The following RYR1 variants were observed in gnomAD, a reference collection of about 807,000 sequenced individuals.
RYR1 encodes central core disease of muscle.
In RYR1, 342 loss-of-function variants were observed where a neutral mutation model predicts 583.5. That is an observed-to-expected ratio of 0.59 (90% CI 0.54 to 0.64). RYR1 has a LOEUF of 0.64. RYR1 is among the 30% of genes least tolerant of loss of function. The pLI is 0.00. For synonymous variants in RYR1, 2,791 were observed against 2,822.5 expected (o/e 0.99, Z 0.35); for missense variants, 6,032 against 6,917.2 (o/e 0.87, Z 4.54).
chr19:38,580,080 C>G lies in RYR1; in HGVS notation c.14463C>G (p.Val4821=), dbSNP rs1861327857. 6.2e-7 allele frequency: 1 copy of G among 1,614,094 alleles called. No homozygotes were observed. The highest frequency in any genetic ancestry group is 1.3e-5 in the African/African-American group (1 of 74,926). Residue 4821 remains valine, a synonymous_variant, in exon 100 of 106, where the codon GTC becomes GTG. Transcript: ENST00000359596. ...ATCTCCTGGACATCGCCATGGGGGT[C>G]AAGACGCTGCGCACCATCCTGTCCT... ...AAHLLDIAMG[V]KTLRTILSSV... is the part of the protein sequence containing the mutation.
At chr19:38,502,796 G>GGCAGGGGGAGGA (rs1970229772) in intron 48 of RYR1, 69 bp downstream of exon 48, 11 of 1,044,756 alleles carry the variant, frequency 1.1e-5, no homozygotes, top group African/African-American at 2.4e-5. Flanking sequence ...CAGGGGCAGG[G>GGCAGGGGGAGGA]GCAGGGGCAG....
chr19:38,467,750 G>A lies in RYR1; in HGVS notation c.3319G>A (p.Glu1107Lys), dbSNP rs777117206. ...GEMRVGWARPELRPDVELGAD... is the reference protein window; with the variant it reads ...GEMRVGWARPKLRPDVELGAD... The stretch of plus-strand genomic sequence containing the variant: ...GATGCGCGTGGGCTGGGCGAGGCCC[G>A]AGCTGAGGCCTGATGTAGAGCTGGG... The change falls in exon 25 of 106, where the codon GAG becomes AAG. Residue 1107 changes from glutamate (E) to lysine (K), a missense_variant. Transcript: ENST00000359596. 2.4e-5 allele frequency: 39 copies of A among 1,614,048 alleles called. 1 individual carries two copies. In the South Asian group the frequency reaches 3.1e-4, roughly 13 times the overall value.
Position 38,502,665 on chromosome 19 carries a change from G to A in RYR1, c.7773G>A (p.Arg2591=). ...TGCATACCGTGTACCGCCTGTCTCG[G>A]GGTCGTTCGCTCACCAAGGCGCAGC... ...SMLHTVYRLS[R]GRSLTKAQRD... Residue 2591 remains arginine (R), a synonymous_variant, in exon 48 of 106, where the codon CGG becomes CGA. Transcript: ENST00000359596. 1 of 1,611,304 alleles carries A rather than the reference G, an allele frequency of 6.2e-7. No homozygotes were observed. Among genetic ancestry groups the A allele is most frequent in the Non-Finnish European group, 8.5e-7 (1 of 1,179,874 alleles).
chr19:38,490,180 G>A lies in RYR1; in HGVS notation c.5919G>A (p.Gln1973=), dbSNP rs1325551524. The change falls in exon 36 of 106, where the codon CAG becomes CAA. Residue 1973 remains glutamine (Q), a synonymous_variant. Coordinates refer to ENST00000359596, the MANE Select transcript of RYR1 (RefSeq NM_000540.3). ...ATGTGGACAAGCTCCAGGCCAACCA[G>A]CGGAGCCGCTATGGCCTCCTCATAA... is the stretch of plus-strand genomic sequence containing the variant. The part of the protein sequence containing the change: ...ERYVDKLQAN[Q]RSRYGLLIKA... 1.2e-6 allele frequency: 2 copies of A among 1,614,120 alleles called. No homozygotes were observed. Among genetic ancestry groups the A allele is most frequent in the African/African-American group, 1.3e-5 (1 of 74,950 alleles).
intron 27 of RYR1, among the ~76,000 whole-genome samples, chr19:38,471,794 C>T (rs530651164): frequency 1.4e-5 from 2 of 146,728 alleles, no homozygotes; most frequent in African/African-American, 2.5e-5. Context: ...CCCAGTTACT[C>T]GGGAGGCTGA....
At position 38,443,629 on chromosome 19, in the gene RYR1, C is replaced by A; in HGVS notation, c.342C>A (p.Arg114=). The A allele has an allele frequency of 1.2e-6, 2 of 1,614,100 alleles. No homozygotes were observed. Among genetic ancestry groups the A allele is most frequent in the Non-Finnish European group, 1.7e-6 (2 of 1,179,974 alleles). ...HAILLRHAHS[R]MYLSCLTTSR... ...TCCTGCTCCGGCATGCACACAGCCG[C>A]ATGGTGAGTGCAACCTCGGTGGGCG... is the stretch of plus-strand genomic sequence containing the variant. The change falls in exon 4 of 106, where the codon CGC becomes CGA. Residue 114 remains arginine, a synonymous_variant. Coordinates refer to ENST00000359596, the MANE Select transcript of RYR1 (RefSeq NM_000540.3).
chr19:38,532,778 C>A, intron 78 of RYR1, 42 bp downstream of exon 78: 1 of 1,582,412 alleles, frequency 6.3e-7, no homozygotes, highest in African/African-American at 1.3e-5. Context: ...GGATGGGGGA[C>A]CCTGACTGCA....
chr19:38,518,674 A>G (rs1263604366), intron 66 of RYR1, among the ~76,000 whole-genome samples: 1 of 152,138 alleles, frequency 6.6e-6, no homozygotes, highest in African/African-American at 2.4e-5. Context: ...CACGCCTGTA[A>G]TCCCAGCACT....
At chr19:38,525,654 GCTGAGGACTCACTGTGCCCCTGGGATGCC>G in intron 71 of RYR1, 152 bp downstream of exon 71, 1 of 881,954 alleles carries the variant, frequency 1.1e-6, no homozygotes, top group Non-Finnish European at 1.8e-6. Flanking sequence ...TTTCCGGGAT[GCTGAGGACTCACTGTGCCCCTGGGATGCC>G]CTGAGGACCC....
chr19:38,486,191 TCC>T lies in RYR1; in HGVS notation c.5537_5538del (p.Ser1846TyrfsTer11). 1 of 1,612,886 alleles carries T rather than the reference TCC, an allele frequency of 6.2e-7. No homozygotes were observed. The highest frequency in any genetic ancestry group is 8.5e-7 in the Non-Finnish European group (1 of 1,179,938). The part of the protein sequence containing the change: ...FQFVPVLKLV[S>X]TLLVMGIFGD... ...GTTTGTGCCTGTGCTCAAGCTCGTG[TCC>T]ACCCTGCTGGTAATGGCTTCCTCCT... On this transcript the variant is annotated frameshift_variant, in exon 34 of 106. Transcript: ENST00000359596. LOFTEE classifies it high-confidence loss of function.
In RYR1 at chr19:38,559,951, T is replaced by C. The variant is rs554216214; in HGVS notation, c.12283-1162T>C. On this transcript the variant is annotated intron_variant, in intron 89 of 105. Coordinates refer to ENST00000359596, the MANE Select transcript of RYR1 (RefSeq NM_000540.3). ...TTTTTTTTTTTTTTGAGTCACATTG[T>C]AAAATGTATTCTTATGGTTGAGTGA... 1.3e-4 allele frequency among the ~76,000 whole-genome samples: 19 copies of C among 151,592 alleles called. No homozygotes were observed. In the East Asian group the frequency reaches 3.7e-3, roughly 29 times the overall value.
chr19:38,452,611 C>T (rs1349845852), intron 12 of RYR1, among the ~76,000 whole-genome samples: 2 of 152,136 alleles, frequency 1.3e-5, no homozygotes, highest in South Asian at 2.1e-4. Context: ...CGGGACCCCC[C>T]TGTACCTACA....
Position 38,561,069 on chromosome 19 carries a change from G to A in RYR1, c.12283-44G>A. ...AAAAAAAAAAAAAAGAGAGAGAATT[G>A]AGGCTCTCCAGGTCACCCCACTGAC... On this transcript the variant is annotated intron_variant, in intron 89 of 105. Transcript: ENST00000359596. The surrounding 1 kb of genome is among the most constrained non-coding windows in gnomAD (Gnocchi z 4.8). 1 of 1,344,020 alleles carries A rather than the reference G, an allele frequency of 7.4e-7. No homozygotes were observed. Among genetic ancestry groups the A allele is most frequent in the Non-Finnish European group, 1.1e-6 (1 of 941,230 alleles). The allele number at this position is 1,344,020 out of a possible 1,614,324, so 83.3% of individuals were successfully genotyped here. A position where few individuals can be genotyped will look rare whatever the true frequency, so the allele number is the denominator to read the frequency against.
At chr19:38,462,191 C>T (rs180956130) in intron 20 of RYR1, among the ~76,000 whole-genome samples, 2 of 152,288 alleles carry the variant, frequency 1.3e-5, no homozygotes, top group East Asian at 3.9e-4. Flanking sequence ...TGTGACCTCC[C>T]CTCCCTGAGC....
intron 63 of RYR1, among the ~76,000 whole-genome samples, chr19:38,513,792 A>G (rs1376924012): frequency 1.3e-5 from 2 of 151,556 alleles, no homozygotes; most frequent in Non-Finnish European, 2.9e-5. Context: ...CCTTCACTGT[A>G]TGGTTGAAAG....
In RYR1 at chr19:38,520,976, GATAAGA is replaced by G. The variant is rs954177422; in HGVS notation, c.10259+1528_10259+1533del. On this transcript the variant is annotated intron_variant, in intron 67 of 105. Transcript: ENST00000359596. The stretch of plus-strand genomic sequence containing the variant: ...ACCATCTGTTTAATGTTCACGAGCA[GATAAGA>G]ATAAGTTTGGGGCCGGGTGCAGTGG... Among the ~76,000 whole-genome samples the G allele has an allele frequency of 1.1e-4, 17 of 152,018 alleles. 1 individual carries two copies. The highest frequency in any genetic ancestry group is 7.2e-4 in the Admixed American group (11 of 15,246).
chr19:38,511,719 C>T, intron 61 of RYR1, 109 bp downstream of exon 61: 11 of 1,331,384 alleles, frequency 8.3e-6, no homozygotes, highest in Non-Finnish European at 1.2e-5. Flanking sequence ...TTGTTTTCTT[C>T]CCCTGGACCT....
intron 52 of RYR1, 21 bp from the exon 53 acceptor site, chr19:38,505,288 C>A: frequency 6.4e-7 from 1 of 1,571,912 alleles, no homozygotes; most frequent in Non-Finnish European, 8.7e-7. Flanking sequence ...CCCCCTCACC[C>A]TGCCTCCCCT....
intron 38 of RYR1, 43 bp downstream of exon 38, chr19:38,492,679 G>A (rs772793175): frequency 4.5e-6 from 7 of 1,551,822 alleles, no homozygotes; most frequent in Non-Finnish European, 5.3e-6. Context: ...GGTGGGGTGG[G>A]TAGCCCCATG....
Sources: gnomAD v4.1 joint callset for allele counts (sites outside exome capture counted in the v4.1 genomes callset) on GRCh38, gnomAD v4.1.1 for gene constraint, Gnocchi (gnomAD v3.1) non-coding constraint, MANE v1.5 for transcripts, NCBI Gene and HGNC (gene_info 2026-07-23, HGNC 2026-07-21) for gene names.